Variants in DMD observed in about 807,000 individuals in gnomAD.
DMD encodes the protein dystrophin.
DMD carries 63 observed loss-of-function variants against 330.1 expected under a neutral mutation model. That is an observed-to-expected ratio of 0.19 (90% confidence interval 0.16 to 0.24). The LOEUF (loss-of-function observed/expected upper bound fraction) is 0.24. Among genes scored for constraint, DMD ranks in the 10% least tolerant of loss-of-function variants. The probability of loss-of-function intolerance (pLI) is 1.00; values close to 1 mark genes in which losing one functional copy is unlikely to be tolerated. For synonymous variants in DMD, 1,223 were observed against 959.8 expected, an observed-to-expected ratio of 1.27 and a Z score of -5.07; for missense variants, 3,344 against 2,684.1, an observed-to-expected ratio of 1.25 and a Z score of -5.43.
intron 2 of DMD, among the ~76,000 whole-genome samples, chrX:32,875,476 G>C (rs994554446): frequency 1.8e-5 from 2 of 112,030 alleles, no homozygotes; most frequent in Non-Finnish European, 3.8e-5. Context: ...GATATGTTTT[G>C]GCTATCTCTA....
chrX:32,897,847 A>T (rs1467347760), intron 2 of DMD, among the ~76,000 whole-genome samples: 3 of 99,542 alleles, frequency 3.0e-5, no homozygotes, highest in African/African-American at 1.1e-4. Context: ...ACTTTTCTCC[A>T]CTTTCCGCAG....
At chrX:32,483,793 C>A (rs2042149892) in intron 21 of DMD, among the ~76,000 whole-genome samples, 1 of 81,082 alleles carries the variant, frequency 1.2e-5, no homozygotes, top group South Asian at 6.9e-4. Context: ...GGAAAATAAA[C>A]CCCTTAGCAA....
Position 31,120,866 on chromosome X carries a change from T to TATCAATCAATCAATCAACCA in DMD, c.*1052_*1053insTGGTTGATTGATTGATTGAT, listed in dbSNP as rs1555970673. The TATCAATCAATCAATCAACCA allele has an allele frequency of 1.5e-4, 16 of 108,138 alleles. No individual in the cohort carries two copies. The highest frequency in any genetic ancestry group is 5.7e-4 in the African/African-American group (16 of 27,996). The allele number at this position is 108,138 out of a possible 1,213,427, so 8.9% of individuals were successfully genotyped here. On this transcript the variant is annotated 3_prime_UTR_variant, in exon 79 of 79. Transcript: ENST00000357033. ...ATTGCTAGCAGCAGGAAGCTGAATG[T>TATCAATCAATCAATCAACCA]ATCAATCAATCAATCAATCAACCAA...
chrX:32,425,929 C>G (rs1219933628), intron 29 of DMD, among the ~76,000 whole-genome samples: 2 of 111,724 alleles, frequency 1.8e-5, no homozygotes, highest in Non-Finnish European at 3.8e-5. Flanking sequence ...GGATAACTGG[C>G]TAACCGTATA....
upstream of DMD, among the ~76,000 whole-genome samples, chrX:33,216,229 A>T (rs1055596951): frequency 1.8e-5 from 2 of 111,688 alleles, no homozygotes; most frequent in Non-Finnish European, 3.8e-5. Flanking sequence ...TTCTCCTTGT[A>T]TAGTTCTTTC....
chrX:32,710,789 G>A (rs1222410985), intron 7 of DMD, among the ~76,000 whole-genome samples: 2 of 110,867 alleles, frequency 1.8e-5, no homozygotes, highest in East Asian at 5.7e-4. Context: ...CATACCTGGG[G>A]GTTTGAAAGA....
intron 62 of DMD, among the ~76,000 whole-genome samples, chrX:31,280,979 G>T (rs1210098460): frequency 3.6e-5 from 4 of 111,695 alleles, no homozygotes; most frequent in Non-Finnish European, 7.5e-5. Context: ...GTTAAAATAT[G>T]CTTTCCCATA....
intron 78 of DMD, among the ~76,000 whole-genome samples, chrX:31,123,974 G>T (rs1278722183): frequency 4.5e-5 from 5 of 111,910 alleles, no homozygotes; most frequent in Admixed American, 9.5e-5. Context: ...TAGCCAAGTG[G>T]TGCTTCTCTT....
rs757468251 is a variant in DMD, at chrX:31,494,963, A to G, written c.8547+1825T>C. On this transcript the variant is annotated intron_variant, in intron 57 of 78. Transcript: ENST00000357033. Reference sequence around the variant, plus strand: ...TATCGCATAATGCATTTTTTAAAAAAGGCCCATCCTTCTCAATGAGTGCTT... The same window carrying G: ...TATCGCATAATGCATTTTTTAAAAAGGGCCCATCCTTCTCAATGAGTGCTT... 3.6e-5 allele frequency among the ~76,000 whole-genome samples: 4 copies of G among 111,969 alleles called. No individual in the cohort carries two copies. In the South Asian group the frequency reaches 1.5e-3, roughly 42 times the overall value.
At chrX:32,813,852 T>G (rs1228074688) in intron 6 of DMD, among the ~76,000 whole-genome samples, 1 of 111,912 alleles carries the variant, frequency 8.9e-6, no homozygotes, top group South Asian at 3.6e-4. Flanking sequence ...CCATTTAATG[T>G]AATAAAAGCA....
At chrX:32,935,686 A>G (rs2146746986) in intron 2 of DMD, among the ~76,000 whole-genome samples, 1 of 111,452 alleles carries the variant, frequency 9.0e-6, no homozygotes, top group Non-Finnish European at 1.9e-5. Flanking sequence ...AGTCACACAA[A>G]CATTAAAGAA....
chrX:31,470,885 T>G (rs749506878), intron 59 of DMD, among the ~76,000 whole-genome samples: 1 of 112,291 alleles, frequency 8.9e-6, no homozygotes, highest in African/African-American at 3.2e-5. Context: ...CTGGCTACAG[T>G]GGCTTTGCCG....
chrX:31,392,920 G>A (rs1482263727), intron 60 of DMD, among the ~76,000 whole-genome samples: 2 of 111,941 alleles, frequency 1.8e-5, no homozygotes, highest in African/African-American at 6.5e-5. Flanking sequence ...AAGAGTGCAT[G>A]CAAAATGTTA....
intron 55 of DMD, among the ~76,000 whole-genome samples, chrX:31,613,994 T>A (rs1344292221): frequency 1.8e-5 from 2 of 112,220 alleles, no homozygotes; most frequent in Non-Finnish European, 3.8e-5. Flanking sequence ...AATGGTTGCA[T>A]CCAAATAAGA....
At chrX:32,246,409 T>A (rs1236844808) in intron 43 of DMD, among the ~76,000 whole-genome samples, 2 of 85,877 alleles carry the variant, frequency 2.3e-5, no homozygotes, top group Non-Finnish European at 4.5e-5. Flanking sequence ...ATCAAGGATA[T>A]TGGTCTAAAA....
At position 32,342,299 on chromosome X, in the gene DMD, A is replaced by G. The variant is rs1430042774; in HGVS notation, c.5740-17T>C. On this transcript the variant is annotated splice_polypyrimidine_tract_variant and intron_variant, in intron 40 of 78. Coordinates refer to ENST00000357033, the MANE Select transcript of DMD (RefSeq NM_004006.3). ...ATCAATTTCCTATTGAGCAAAACCA[A>G]TACAGGGCCCAGGGCAGTTAGCTAA... The G allele has an allele frequency of 3.3e-6, 4 of 1,209,472 alleles. No homozygotes were observed. Among genetic ancestry groups the G allele is most frequent in the East Asian group, 3.0e-5 (1 of 33,777 alleles).
chrX:32,426,826 G>T (rs73467632), intron 29 of DMD, among the ~76,000 whole-genome samples: 6,794 of 111,326 alleles, frequency 0.061, 435 homozygotes, highest in African/African-American at 0.18. Flanking sequence ...GGGAGCTGGA[G>T]ACCATTCTAC....
At chrX:31,958,494 AC>A (rs2095269225) in intron 45 of DMD, among the ~76,000 whole-genome samples, 2 of 110,873 alleles carry the variant, frequency 1.8e-5, no homozygotes, top group Non-Finnish European at 3.8e-5. Flanking sequence ...TTGTTTGTCA[AC>A]CCTTCTGATT....
chrX:32,999,980 A>G (rs775781591), intron 2 of DMD, among the ~76,000 whole-genome samples: 1 of 112,454 alleles, frequency 8.9e-6, no homozygotes, highest in South Asian at 3.7e-4. Flanking sequence ...AACTTCGTTG[A>G]AAGTTACCTT....
Sources: gnomAD v4.1 joint callset for allele counts (sites outside exome capture counted in the v4.1 genomes callset) on GRCh38, gnomAD v4.1.1 for gene constraint, MANE v1.5 for transcripts, NCBI Gene and HGNC (gene_info 2026-07-23, HGNC 2026-07-21) for gene names.